Variants in GALNT15 observed in about 807,000 individuals in gnomAD.
The protein encoded by GALNT15 is UDP-GalNAc transferase T15.
Under a neutral mutation model 66.8 loss-of-function variants are expected in GALNT15, and 67 were observed. That is an observed-to-expected ratio of 1.00 (90% confidence interval 0.82 to 1.23). The LOEUF (loss-of-function observed/expected upper bound fraction) is 1.23. GALNT15 is among the 50% of genes most tolerant of loss of function. GALNT15 has a pLI of 0.00. For missense variants in GALNT15, 827 were observed against 804.3 expected (o/e 1.03, Z -0.34); for synonymous variants, 313 against 311.5 (o/e 1.00, Z -0.05).
chr3:16,194,627 G>A (rs57711045), intron 1 of GALNT15, among the ~76,000 whole-genome samples: 3,108 of 152,318 alleles, frequency 0.02, 114 homozygotes, highest in African/African-American at 0.07. Flanking sequence ...TGGTACATAT[G>A]TACCATGGAG....
chr3:16,206,264 T>G (rs1368048568), intron 3 of GALNT15, among the ~76,000 whole-genome samples: 5 of 151,890 alleles, frequency 3.3e-5, no homozygotes, highest in African/African-American at 1.2e-4. Context: ...ATGCCTGTAG[T>G]CCCAGCTACT....
intron 1 of GALNT15, among the ~76,000 whole-genome samples, chr3:16,185,993 C>A (rs1369321009): frequency 6.6e-6 from 1 of 151,948 alleles, no homozygotes; most frequent in Non-Finnish European, 1.5e-5. Context: ...AAGATGTCAT[C>A]AAGAAAGTGA....
rs188235369 is a variant in GALNT15 at position 16,203,184 on chromosome 3, T to G, written c.911+2361T>G. On this transcript the variant is annotated intron_variant, in intron 3 of 9. Transcript: ENST00000339732. This position sits in a 1 kb window ranked among gnomAD's most constrained non-coding sequence, Gnocchi z 6.2. ...AGTGCTGTTTTTATTGTGTACATTT[T>G]CTTTTTAAGAGTTGGAGAAGCTGGT... 6.6e-6 allele frequency among the ~76,000 whole-genome samples: 1 copy of G among 152,274 alleles called. No individual in the cohort carries two copies. The highest frequency in any genetic ancestry group is 1.9e-4 in the East Asian group (1 of 5,176).
rs562108980 is a variant in GALNT15, at chr3:16,195,253, G to C, written c.540-507G>C. Among the ~76,000 whole-genome samples, 52 of 152,278 alleles carry C rather than the reference G, an allele frequency of 3.4e-4. No individual in the cohort carries two copies. The highest frequency in any genetic ancestry group is 1.2e-3 in the African/African-American group (48 of 41,552). ...GGCCTCAGGCCCAAGCCAAAGACTA[G>C]AGCAGAGGTTCTCAAAGTGTGGTCC... On this transcript the variant is annotated intron_variant, in intron 1 of 9. Transcript: ENST00000339732. This position sits in a 1 kb window ranked among gnomAD's most constrained non-coding sequence, Gnocchi z 4.6.
the GALNT15 span, chr3:16,243,991 TTTTC>T: frequency 1.0e-6 from 1 of 985,234 alleles, no homozygotes; most frequent in Non-Finnish European, 1.2e-6. Flanking sequence ...GTTGATGACT[TTTTC>T]TTTCTCAGGT....
In GALNT15 at chr3:16,225,779, C is replaced by T. The variant is rs750182882; in HGVS notation, c.1774-1575C>T. 6.6e-6 allele frequency among the ~76,000 whole-genome samples: 1 copy of T among 151,678 alleles called. No homozygotes were observed. Among genetic ancestry groups the T allele is most frequent in the South Asian group, 2.1e-4 (1 of 4,782 alleles). The stretch of plus-strand genomic sequence containing the variant: ...GGATGTACCTTAAAAATATTACACA[C>T]GGTGCCCAACACTTTGAGAGGCAGA... On this transcript the variant is annotated intron_variant, in intron 9 of 9. Transcript: ENST00000339732. This position sits in a 1 kb window ranked among gnomAD's most constrained non-coding sequence, Gnocchi z 4.4.
In GALNT15 at chr3:16,191,358, C is replaced by T. The variant is rs1309623399; in HGVS notation, c.540-4402C>T. The T allele has an allele frequency of 1.0e-6, 1 of 982,832 alleles. No individual in the cohort carries two copies. Among genetic ancestry groups the T allele is most frequent in the Admixed American group, 6.1e-5 (1 of 16,266 alleles). 60.9% of individuals were successfully genotyped at this position (982,832 alleles called of 1,614,324 possible). On this transcript the variant is annotated intron_variant, in intron 1 of 9. Transcript: ENST00000339732. The surrounding 1 kb of genome is among the most constrained non-coding windows in gnomAD (Gnocchi z 5.2). The stretch of plus-strand genomic sequence containing the variant: ...ATGGGACATCTGTTAATAATGGCAG[C>T]AAACGCATGGTGCTCACTCTGTGCC...
At chr3:16,185,246 T>C (rs1235507243) in intron 1 of GALNT15, among the ~76,000 whole-genome samples, 4 of 152,158 alleles carry the variant, frequency 2.6e-5, no homozygotes, top group Non-Finnish European at 5.9e-5. Flanking sequence ...TGAATAAATA[T>C]CCTGTTTCCT....
the GALNT15 span, among the ~76,000 whole-genome samples, chr3:16,247,019 T>G: frequency 2.0e-5 from 3 of 152,134 alleles, no homozygotes; most frequent in African/African-American, 7.2e-5. Flanking sequence ...CATACATAAA[T>G]ACATTTGCAC....
chr3:16,188,836 TAG>T lies in GALNT15; in HGVS notation c.540-6923_540-6922del, dbSNP rs1041990065. On this transcript the variant is annotated intron_variant, in intron 1 of 9. Coordinates refer to ENST00000339732, the MANE Select transcript of GALNT15 (RefSeq NM_054110.5). This position sits in a 1 kb window ranked among gnomAD's most constrained non-coding sequence, Gnocchi z 4.6. The stretch of plus-strand genomic sequence containing the variant: ...GATTGCAAAGCAGATGACAGGTCCT[TAG>T]CACCATTTCCCTCTCTGTCCTCACT... Among the ~76,000 whole-genome samples the T allele has an allele frequency of 1.4e-4, 21 of 152,044 alleles. No individual in the cohort carries two copies. Among genetic ancestry groups the T allele is most frequent in the African/African-American group, 3.9e-4 (16 of 41,400 alleles).
chr3:16,226,051 A>G (rs549300535), intron 9 of GALNT15, among the ~76,000 whole-genome samples: 59 of 94,378 alleles, frequency 6.3e-4, no homozygotes, highest in Middle Eastern at 5.6e-3. Context: ...TCCTTCTTGG[A>G]AAAAAAAAAA....
At chr3:16,214,855 A>T (rs2063855490) in intron 6 of GALNT15, among the ~76,000 whole-genome samples, 1 of 152,224 alleles carries the variant, frequency 6.6e-6, no homozygotes, top group Non-Finnish European at 1.5e-5. Flanking sequence ...TTATTCAATT[A>T]GCAACAGGGA....
downstream of GALNT15, among the ~76,000 whole-genome samples, chr3:16,230,464 G>A (rs181944070): frequency 4.9e-4 from 75 of 152,148 alleles, 1 homozygote; most frequent in Admixed American, 4.7e-3. The surrounding 1 kb of genome is among the most constrained non-coding windows in gnomAD (Gnocchi z 4.5). Flanking sequence ...ATGTGAGGGG[G>A]TTCTATTCTC....
chr3:16,227,705 A>G lies in GALNT15; in HGVS notation c.*205A>G. 7 of 1,413,572 alleles carry G rather than the reference A, an allele frequency of 5.0e-6. No homozygotes were observed. Among genetic ancestry groups the G allele is most frequent in the Non-Finnish European group, 6.4e-6 (7 of 1,091,436 alleles). The allele number at this position is 1,413,572 out of a possible 1,614,324, so 87.6% of individuals were successfully genotyped here. A position where few individuals can be genotyped will look rare whatever the true frequency, so the allele number is the denominator to read the frequency against. ...ACTGCTGGCTGCTTTAAAAAAAAAAAAAAAGGATCCATTGTACCGTTGTCT... is the reference window on the plus strand; with the variant it reads ...ACTGCTGGCTGCTTTAAAAAAAAAAGAAAAGGATCCATTGTACCGTTGTCT... On this transcript the variant is annotated 3_prime_UTR_variant, in exon 10 of 10. Transcript: ENST00000339732. This position sits in a 1 kb window ranked among gnomAD's most constrained non-coding sequence, Gnocchi z 4.5.
rs889194170 is a variant in GALNT15, at chr3:16,188,669, C to G, written c.540-7091C>G. On this transcript the variant is annotated intron_variant, in intron 1 of 9. Transcript: ENST00000339732. The surrounding 1 kb of genome is among the most constrained non-coding windows in gnomAD (Gnocchi z 4.6). ...CTTTCAAAGATCTTTGTTGGCTGGA[C>G]CTTAGCCAGCTTCCTAGGTTTCCAG... 1.3e-5 allele frequency among the ~76,000 whole-genome samples: 2 copies of G among 152,080 alleles called. No individual in the cohort carries two copies. The highest frequency in any genetic ancestry group is 4.8e-5 in the African/African-American group (2 of 41,398).
chr3:16,174,885 G>A lies in GALNT15; in HGVS notation c.-267G>A. On this transcript the variant is annotated 5_prime_UTR_variant, in exon 1 of 10. Coordinates refer to ENST00000339732, the MANE Select transcript of GALNT15 (RefSeq NM_054110.5). This position sits in a 1 kb window ranked among gnomAD's most constrained non-coding sequence, Gnocchi z 4.7. ...AGGGAGGGAAGCAATTCAATTTGAA[G>A]TCCCTGTGAATGGGCTTTCAGAAGG... 2.1e-6 allele frequency: 1 copy of A among 471,810 alleles called. No individual in the cohort carries two copies. Among genetic ancestry groups the A allele is most frequent in the Non-Finnish European group, 3.8e-6 (1 of 265,112 alleles). 29.2% of individuals were successfully genotyped at this position (471,810 alleles called of 1,614,324 possible).
In GALNT15 at chr3:16,219,837, G is replaced by C. The variant is rs1040217313; in HGVS notation, c.1525-73G>C. The C allele has an allele frequency of 1.6e-6, 2 of 1,240,180 alleles. No homozygotes were observed. The highest frequency in any genetic ancestry group is 3.0e-5 in the African/African-American group (2 of 67,594). 76.8% of individuals were successfully genotyped at this position (1,240,180 alleles called of 1,614,324 possible). The stretch of plus-strand genomic sequence containing the variant: ...GCTGCACTCCAGAGAATACAGCAAA[G>C]GAATGGTGTCTGACCGAGGGTGTCT... On this transcript the variant is annotated intron_variant, in intron 7 of 9. Coordinates refer to ENST00000339732, the MANE Select transcript of GALNT15 (RefSeq NM_054110.5). The surrounding 1 kb of genome is among the most constrained non-coding windows in gnomAD (Gnocchi z 4.3).
In GALNT15 at chr3:16,195,877, C is replaced by T. The variant is rs771071526; in HGVS notation, c.657C>T (p.Pro219=). 1.5e-5 allele frequency: 24 copies of T among 1,614,076 alleles called. No homozygotes were observed. In the South Asian group the frequency reaches 1.5e-4, roughly 10 times the overall value. Residue 219 remains proline, a synonymous_variant, in exon 2 of 10, where the codon CCC becomes CCT. Transcript: ENST00000339732. The surrounding 1 kb of genome is among the most constrained non-coding windows in gnomAD (Gnocchi z 4.6). The stretch of plus-strand genomic sequence containing the variant: ...TACACAGCATCCTCGACACAGTGCC[C>T]AGGGCCTTCCTGAAGGAGATCATCC... ...RTVHSILDTV[P]RAFLKEIILV...
intron 3 of GALNT15, among the ~76,000 whole-genome samples, 200 bp downstream of exon 3, chr3:16,201,023 A>G (rs1356777085): frequency 6.7e-6 from 1 of 149,898 alleles, no homozygotes; most frequent in African/African-American, 2.5e-5. Context: ...GTCTTCATCT[A>G]CCTTGCTTTA....
Sources: allele counts gnomAD v4.1 joint callset (sites outside exome capture counted in the v4.1 genomes callset), GRCh38; gene constraint gnomAD v4.1.1; non-coding constraint Gnocchi (gnomAD v3.1); transcripts MANE v1.5; gene names NCBI Gene and HGNC (gene_info 2026-07-23, HGNC 2026-07-21).